Variants in ACYP2 observed in about 807,000 individuals in gnomAD.
ACYP2 encodes acylphosphatase-2.
ACYP2 carries 12 observed loss-of-function variants against 11.2 expected under a neutral mutation model. That is an observed-to-expected ratio of 1.08 (90% CI 0.69 to 1.74). The LOEUF (loss-of-function observed/expected upper bound fraction) is 1.74. ACYP2 is among the 40% of genes most tolerant of loss of function. The probability of loss-of-function intolerance (pLI) is 0.00; values close to 1 mark genes in which losing one functional copy is unlikely to be tolerated. For missense variants in ACYP2, 134 were observed against 101.9 expected, an observed-to-expected ratio of 1.31 and a Z score of -1.35; for synonymous variants, 43 against 32.2, an observed-to-expected ratio of 1.33 and a Z score of -1.13.
chr2:54,204,685 G>A lies in ACYP2; in HGVS notation c.404+65937G>A, dbSNP rs139143239. ...TTTCCCTTATAACTGCCTGGCATTC[G>A]GTGAGCTCCTTTGATCTAAAAAACT... On this transcript the variant is annotated intron_variant, in intron 6 of 6. Coordinates refer to ENST00000607452, the MANE Select transcript of ACYP2 (RefSeq NM_001320586.2). Among the ~76,000 whole-genome samples the A allele has an allele frequency of 9.8e-4, 149 of 152,152 alleles. 1 individual carries two copies. Among genetic ancestry groups the A allele is most frequent in the African/African-American group, 3.6e-3 (149 of 41,516 alleles).
chr2:54,097,632 C>T (rs1020090782), intron 4 of ACYP2, among the ~76,000 whole-genome samples: 3 of 151,766 alleles, frequency 2.0e-5, no homozygotes, highest in Admixed American at 2.0e-4. Context: ...ATCTATTACA[C>T]AGCTTCCACA....
chr2:54,177,338 C>A (rs533984776), intron 6 of ACYP2, among the ~76,000 whole-genome samples: 7 of 152,168 alleles, frequency 4.6e-5, no homozygotes, highest in Admixed American at 6.5e-5. Context: ...AAATCCACAG[C>A]TCATGGTGTG....
chr2:54,188,573 G>T (rs1009886928), intron 6 of ACYP2, among the ~76,000 whole-genome samples: 20 of 152,006 alleles, frequency 1.3e-4, no homozygotes, highest in African/African-American at 4.6e-4. Flanking sequence ...TATTAACAAG[G>T]ATTATTTCTG....
At chr2:54,083,415 C>G (rs1677773103) in intron 4 of ACYP2, among the ~76,000 whole-genome samples, 1 of 152,184 alleles carries the variant, frequency 6.6e-6, no homozygotes, top group African/African-American at 2.4e-5. Context: ...GACATTTTAT[C>G]TGTGAGCCGT....
chr2:53,995,826 T>G (rs1386357979), intron 2 of ACYP2, among the ~76,000 whole-genome samples: 1 of 152,158 alleles, frequency 6.6e-6, no homozygotes, highest in African/African-American at 2.4e-5. Flanking sequence ...AGCGTTTTTA[T>G]ATTTAACACT....
At chr2:54,027,064 A>T (rs1674325250) in intron 2 of ACYP2, among the ~76,000 whole-genome samples, 1 of 152,200 alleles carries the variant, frequency 6.6e-6, no homozygotes. Context: ...AGGTTTACTG[A>T]AAAATTGCCA....
At chr2:54,138,588 A>C in intron 5 of ACYP2, 51 bp from the exon 3 acceptor site, 1 of 1,438,548 alleles carries the variant, frequency 7.0e-7, no homozygotes, top group Non-Finnish European at 9.6e-7. Context: ...TATGTTATGA[A>C]CTCAGACTTT....
chr2:54,267,444 A>G (rs559140127), intron 6 of ACYP2: 10 of 1,324,488 alleles, frequency 7.6e-6, no homozygotes, highest in South Asian at 4.9e-5. Flanking sequence ...GGGAGAAGGA[A>G]TTGGGAGCTG....
At chr2:54,122,046 C>T (rs1680189595) in intron 4 of ACYP2, among the ~76,000 whole-genome samples, 1 of 152,152 alleles carries the variant, frequency 6.6e-6, no homozygotes, top group Non-Finnish European at 1.5e-5. Flanking sequence ...TTAAGTAAGG[C>T]AGAATTTTAT....
chr2:54,059,125 C>G (rs1676329523), intron 4 of ACYP2, among the ~76,000 whole-genome samples: 2 of 152,238 alleles, frequency 1.3e-5, no homozygotes, highest in African/African-American at 4.8e-5. Flanking sequence ...TGGTGATGTT[C>G]CTGCTGTATC....
chr2:54,234,049 G>T (rs1686362944), intron 6 of ACYP2, among the ~76,000 whole-genome samples: 1 of 148,232 alleles, frequency 6.7e-6, no homozygotes, highest in Non-Finnish European at 1.5e-5. Flanking sequence ...ACAAAAAGAA[G>T]TCAGAAGGAG....
chr2:54,138,453 A>G (rs1681396674), intron 5 of ACYP2, among the ~76,000 whole-genome samples, 186 bp from the exon 3 acceptor site: 1 of 152,262 alleles, frequency 6.6e-6, no homozygotes, highest in Non-Finnish European at 1.5e-5. Context: ...GTGAAATTTA[A>G]CAAAAGATAC....
In ACYP2 at chr2:54,251,644, G is replaced by A. The variant is rs59425880; in HGVS notation, c.405-53044G>A. Among the ~76,000 whole-genome samples, 224 of 152,258 alleles carry A rather than the reference G, an allele frequency of 1.5e-3. 1 individual carries two copies. In the East Asian group the frequency reaches 0.021, roughly 14 times the overall value. On this transcript the variant is annotated intron_variant, in intron 6 of 6. Transcript: ENST00000607452. ...TGTCTCATGTTTCTGCATATCTTGT[G>A]AGCAAAGGCACTGACTGCGTGTGTT...
chr2:53,997,416 A>G (rs1672622739), intron 2 of ACYP2, among the ~76,000 whole-genome samples: 2 of 151,996 alleles, frequency 1.3e-5, no homozygotes, highest in African/African-American at 4.8e-5. Context: ...AGTGATTCTC[A>G]TGCCTCAGCC....
At chr2:54,093,664 G>A (rs993418336) in intron 4 of ACYP2, among the ~76,000 whole-genome samples, 1 of 152,220 alleles carries the variant, frequency 6.6e-6, no homozygotes, top group Non-Finnish European at 1.5e-5. Flanking sequence ...CACTTGGCCG[G>A]GCGTGGTGGC....
chr2:54,169,641 AT>A (rs1332416563), intron 6 of ACYP2, among the ~76,000 whole-genome samples: 2 of 152,188 alleles, frequency 1.3e-5, no homozygotes, highest in Non-Finnish European at 2.9e-5. Flanking sequence ...TCTAGACAAC[AT>A]TTTTGACAAA....
intron 4 of ACYP2, among the ~76,000 whole-genome samples, chr2:54,067,635 G>A (rs547185212): frequency 3.9e-4 from 60 of 152,202 alleles, no homozygotes; most frequent in Admixed American, 3.8e-3. Context: ...CATCTGTAAG[G>A]GGAAAATCTG....
At chr2:54,277,611 G>T (rs1020396652) in intron 6 of ACYP2, among the ~76,000 whole-genome samples, 1 of 152,120 alleles carries the variant, frequency 6.6e-6, no homozygotes, top group African/African-American at 2.4e-5. Flanking sequence ...TTGGGAGGCG[G>T]AGGTTGCAGT....
intron 6 of ACYP2, among the ~76,000 whole-genome samples, chr2:54,281,173 G>A (rs534081421): frequency 6.6e-6 from 1 of 152,196 alleles, no homozygotes; most frequent in Non-Finnish European, 1.5e-5. Flanking sequence ...TGATTACCTT[G>A]ACTCAATATC....
Sources: allele counts gnomAD v4.1 joint callset (sites outside exome capture counted in the v4.1 genomes callset), GRCh38; gene constraint gnomAD v4.1.1; transcripts MANE v1.5; gene names NCBI Gene and HGNC (gene_info 2026-07-23, HGNC 2026-07-21).